AGMO: variants seen among roughly 807,000 people sequenced by gnomAD.
AGMO encodes the protein alkylglycerol monooxygenase.
AGMO carries 75 observed loss-of-function variants against 60.2 expected under a neutral mutation model. That is an observed-to-expected ratio of 1.25 (90% CI 1.03 to 1.51). The LOEUF (loss-of-function observed/expected upper bound fraction) is 1.51. Ranked by LOEUF, AGMO falls within the 40% of genes most tolerant of loss-of-function variation. The probability of loss-of-function intolerance (pLI) is 0.00; values close to 1 mark genes in which losing one functional copy is unlikely to be tolerated. For missense variants in AGMO, 763 were observed against 525.5 expected, an observed-to-expected ratio of 1.45 and a Z score of -4.42; for synonymous variants, 261 against 177.1, an observed-to-expected ratio of 1.47 and a Z score of -3.76.
intron 3 of AGMO, among the ~76,000 whole-genome samples, chr7:15,489,965 T>A (rs1303460311): frequency 6.6e-6 from 1 of 152,222 alleles, no homozygotes; most frequent in Non-Finnish European, 1.5e-5. Context: ...AAAGTTAAAG[T>A]ATCTTAAAAA....
chr7:15,311,988 C>G (rs1780780569), intron 12 of AGMO, among the ~76,000 whole-genome samples: 1 of 151,834 alleles, frequency 6.6e-6, no homozygotes, highest in Non-Finnish European at 1.5e-5. Flanking sequence ...TTAGATACAC[C>G]TGAAGAAAGC....
At chr7:15,131,896 C>A in the AGMO span, among the ~76,000 whole-genome samples, 1 of 151,866 alleles carries the variant, frequency 6.6e-6, no homozygotes, top group Non-Finnish European at 1.5e-5. Flanking sequence ...GGAAATGCAA[C>A]CAGCCCAAGG....
intron 5 of AGMO, among the ~76,000 whole-genome samples, chr7:15,417,279 T>A (rs547135505): frequency 6.6e-6 from 1 of 152,268 alleles, no homozygotes; most frequent in South Asian, 2.1e-4. Flanking sequence ...CAAACAGGAA[T>A]AAGTCTCACC....
chr7:15,307,290 C>T (rs373013589), intron 12 of AGMO, among the ~76,000 whole-genome samples: 45 of 152,034 alleles, frequency 3.0e-4, no homozygotes, highest in African/African-American at 1.0e-3. Context: ...CCAAGCCCAT[C>T]TATTTGGAAG....
the AGMO span, among the ~76,000 whole-genome samples, chr7:15,146,289 G>A: frequency 6.6e-6 from 1 of 151,972 alleles, no homozygotes; most frequent in African/African-American, 2.4e-5. Flanking sequence ...ATTCAGAAAC[G>A]GGTTTCTTAA....
At chr7:15,169,498 G>T in the AGMO span, among the ~76,000 whole-genome samples, 3 of 151,566 alleles carry the variant, frequency 2.0e-5, no homozygotes, top group African/African-American at 7.3e-5. Flanking sequence ...TTGCAGTGCT[G>T]CAATCTCGGC....
At chr7:15,285,821 T>C (rs150425952) in intron 12 of AGMO, among the ~76,000 whole-genome samples, 4 of 152,252 alleles carry the variant, frequency 2.6e-5, no homozygotes, top group African/African-American at 7.2e-5. Context: ...CTTCAAATGA[T>C]ACTACAAAGT....
chr7:15,270,449 T>G (rs1020643897), intron 12 of AGMO, among the ~76,000 whole-genome samples: 1 of 151,992 alleles, frequency 6.6e-6, no homozygotes, highest in Admixed American at 6.6e-5. Flanking sequence ...TCATGTCCTT[T>G]GCCCAGTTTG....
intron 3 of AGMO, among the ~76,000 whole-genome samples, chr7:15,454,510 A>G (rs1378534969): frequency 6.6e-6 from 1 of 152,158 alleles, no homozygotes; most frequent in East Asian, 1.9e-4. Flanking sequence ...CATGTTTTCA[A>G]TAACCTTTTT....
chr7:15,486,906 C>T (rs1782937804), intron 3 of AGMO, among the ~76,000 whole-genome samples: 1 of 152,136 alleles, frequency 6.6e-6, no homozygotes, highest in Non-Finnish European at 1.5e-5. Context: ...TGAGACAAAA[C>T]AAAGAACCAC....
intron 10 of AGMO, among the ~76,000 whole-genome samples, chr7:15,374,441 T>C (rs1331714231): frequency 2.6e-5 from 4 of 152,058 alleles, no homozygotes; most frequent in Non-Finnish European, 4.4e-5. Flanking sequence ...CTACAAAAAA[T>C]TGTAAGAAAT....
At position 15,280,806 on chromosome 7, in the gene AGMO, T is replaced by C. The variant is rs535222249; in HGVS notation, c.1264-79447A>G. Reference sequence around the variant, plus strand: ...AAATACGTGGTCCTGAGTTTGTCCATGTGACCAGTTCATTACTACTACAAT... The same window carrying C: ...AAATACGTGGTCCTGAGTTTGTCCACGTGACCAGTTCATTACTACTACAAT... On this transcript the variant is annotated intron_variant, in intron 12 of 12. Coordinates refer to ENST00000342526, the MANE Select transcript of AGMO (RefSeq NM_001004320.2). Among the ~76,000 whole-genome samples the C allele has an allele frequency of 3.3e-5, 5 of 152,300 alleles. No homozygotes were observed. The South Asian group carries it at 8.3e-4, about 25-fold the overall frequency.
At chr7:15,317,117 A>T (rs918179280) in intron 12 of AGMO, among the ~76,000 whole-genome samples, 6 of 152,122 alleles carry the variant, frequency 3.9e-5, no homozygotes, top group African/African-American at 1.4e-4. Context: ...TGTGATTCCC[A>T]TTTTCAAAGT....
At chr7:15,483,646 C>T (rs987985423) in intron 3 of AGMO, among the ~76,000 whole-genome samples, 1 of 151,862 alleles carries the variant, frequency 6.6e-6, no homozygotes, top group East Asian at 1.9e-4. Context: ...CATGGAAAAG[C>T]CTTTTATACA....
At chr7:15,190,127 T>A in the AGMO span, among the ~76,000 whole-genome samples, 16 of 1,422 alleles carry the variant, frequency 0.011, no homozygotes, top group Non-Finnish European at 0.022. Context: ...ATATATATAT[T>A]TATATATATA....
Position 15,252,325 on chromosome 7 carries a change from A to G in AGMO, c.1264-50966T>C, listed in dbSNP as rs143703668. On this transcript the variant is annotated intron_variant, in intron 12 of 12. Coordinates refer to ENST00000342526, the MANE Select transcript of AGMO (RefSeq NM_001004320.2). ...ATCGGCTCCATGAGCCCTGCCTTCT[A>G]GTACTCATGCCCTGTGATATTCCTT... Among the ~76,000 whole-genome samples the G allele has an allele frequency of 9.3e-3, 1,417 of 152,324 alleles. 33 individuals carry two copies. Among genetic ancestry groups the G allele is most frequent in the African/African-American group, 0.032 (1,314 of 41,566 alleles).
intron 3 of AGMO, among the ~76,000 whole-genome samples, chr7:15,453,547 A>C (rs1338647779): frequency 6.6e-6 from 1 of 152,242 alleles, no homozygotes; most frequent in East Asian, 1.9e-4. Context: ...TCTAACACAG[A>C]GCTAGAGATG....
intron 3 of AGMO, among the ~76,000 whole-genome samples, chr7:15,437,036 T>C (rs1332445891): frequency 1.3e-5 from 2 of 152,192 alleles, no homozygotes; most frequent in Non-Finnish European, 1.5e-5. Flanking sequence ...CTTTTCTTAA[T>C]ATCAAAGCTT....
At chr7:15,493,712 G>A (rs74791880) in intron 3 of AGMO, among the ~76,000 whole-genome samples, 2 of 152,072 alleles carry the variant, frequency 1.3e-5, no homozygotes, top group African/African-American at 4.8e-5. Context: ...TAATATCTTA[G>A]AGGCCTCATG....
Sources: gnomAD v4.1 joint callset for allele counts (sites outside exome capture counted in the v4.1 genomes callset) on GRCh38, gnomAD v4.1.1 for gene constraint, MANE v1.5 for transcripts, NCBI Gene and HGNC (gene_info 2026-07-23, HGNC 2026-07-21) for gene names.